The following UNC45B variants were observed in gnomAD, a reference collection of about 807,000 sequenced individuals.
The protein encoded by UNC45B is protein unc-45 homolog B.
In UNC45B, 78 loss-of-function variants were observed where a neutral mutation model predicts 98.7. The observed-to-expected ratio is 0.79, with a 90% CI of 0.66 to 0.95. The LOEUF (loss-of-function observed/expected upper bound fraction) is 0.95. UNC45B is among the 40% of genes least tolerant of loss of function. The probability of loss-of-function intolerance (pLI) is 0.00; values close to 1 mark genes in which losing one functional copy is unlikely to be tolerated. For missense variants in UNC45B, 1,225 were observed against 1,184.9 expected, an observed-to-expected ratio of 1.03 and a Z score of -0.50; for synonymous variants, 462 against 480.4, an observed-to-expected ratio of 0.96 and a Z score of 0.50.
intron 13 of UNC45B, among the ~76,000 whole-genome samples, chr17:35,173,746 T>C (rs1404800010): frequency 1.3e-5 from 2 of 151,674 alleles, no homozygotes; most frequent in Non-Finnish European, 2.9e-5. Flanking sequence ...CTTAACTTAA[T>C]CGTGTCTGCA....
At chr17:35,173,903 C>G (rs952450025) in intron 13 of UNC45B, among the ~76,000 whole-genome samples, 4 of 151,464 alleles carry the variant, frequency 2.6e-5, no homozygotes, top group African/African-American at 9.7e-5. Context: ...AGCTCTGCCC[C>G]CGGGTTCATG....
Position 35,149,931 on chromosome 17 carries a change from A to C in UNC45B, c.206-117A>C, listed in dbSNP as rs1051125314. 23 of 1,104,332 alleles carry C rather than the reference A, an allele frequency of 2.1e-5. No homozygotes were observed. The African/African-American group carries it at 3.2e-4, about 15-fold the overall frequency. 68.4% of individuals were successfully genotyped at this position (1,104,332 alleles called of 1,614,324 possible). On this transcript the variant is annotated intron_variant, in intron 3 of 19. Transcript: ENST00000394570. Reference sequence around the variant, plus strand: ...GCCAGAGAGTCCACATGGATGGATAATCTCCAAGGAAGACACAGAAACGAA... The same window carrying C: ...GCCAGAGAGTCCACATGGATGGATACTCTCCAAGGAAGACACAGAAACGAA...
At chr17:35,164,624 C>T (rs1212695525) in intron 9 of UNC45B, 1 of 152,698 alleles carries the variant, frequency 6.5e-6, no homozygotes, top group Non-Finnish European at 1.5e-5. Flanking sequence ...ACATTCTATT[C>T]GTTAGAAGCA....
At position 35,186,348 on chromosome 17, in the gene UNC45B, T is replaced by C. The variant is rs1284610242; in HGVS notation, c.2579T>C (p.Leu860Pro). ...CAGCGGCTTTGCCTGCACGACCAGC[T>C]GTCTGTCCAACACCGGGGCCTGGTC... Reference protein sequence around the residue: ...ILQRLCLHDQLSVQHRGLVIA... With the variant: ...ILQRLCLHDQPSVQHRGLVIA... The change falls in exon 20 of 20, where the codon CTG (leucine) becomes CCG (proline). Residue 860 changes from leucine to proline, a missense_variant. Transcript: ENST00000394570. 5.0e-6 allele frequency: 8 copies of C among 1,614,068 alleles called. No individual in the cohort carries two copies. The highest frequency in any genetic ancestry group is 1.1e-5 in the South Asian group (1 of 91,078).
chr17:35,164,239 A>C, intron 9 of UNC45B, 73 bp downstream of exon 9: 1 of 1,483,270 alleles, frequency 6.7e-7, no homozygotes. Flanking sequence ...AATTATCTCA[A>C]AATTTAGCAG....
intron 12 of UNC45B, among the ~76,000 whole-genome samples, chr17:35,170,507 G>A (rs1253065186): frequency 2.7e-5 from 4 of 147,528 alleles, no homozygotes; most frequent in African/African-American, 1.0e-4. Flanking sequence ...AGGAGGTGAG[G>A]TCTTGAAGGA....
intron 17 of UNC45B, among the ~76,000 whole-genome samples, chr17:35,179,451 C>G (rs1027068567): frequency 6.6e-6 from 1 of 152,150 alleles, no homozygotes; most frequent in Admixed American, 6.5e-5. Context: ...CACATGCACA[C>G]GTATGTTTAT....
At chr17:35,151,007 C>T (rs1200678064) in intron 4 of UNC45B, among the ~76,000 whole-genome samples, 1 of 152,072 alleles carries the variant, frequency 6.6e-6, no homozygotes, top group Non-Finnish European at 1.5e-5. Flanking sequence ...CCTCTTTCTC[C>T]TGGGTTTAAG....
At chr17:35,152,621 G>A (rs1191919347) in intron 4 of UNC45B, among the ~76,000 whole-genome samples, 5 of 152,160 alleles carry the variant, frequency 3.3e-5, no homozygotes, top group South Asian at 2.1e-4. Context: ...GATCCTTTAC[G>A]CCTTCCCAGA....
intron 3 of UNC45B, 96 bp from the exon 4 acceptor site, chr17:35,149,952 A>G (rs2142525871): frequency 7.6e-7 from 1 of 1,320,012 alleles, no homozygotes; most frequent in South Asian, 1.6e-5. Flanking sequence ...AGACACAGAA[A>G]CGAAGCAAGA....
Position 35,159,437 on chromosome 17 carries a change from G to T in UNC45B, c.871G>T (p.Val291Leu). 7 of 1,614,162 alleles carry T rather than the reference G, an allele frequency of 4.3e-6. No individual in the cohort carries two copies. Among genetic ancestry groups the T allele is most frequent in the Non-Finnish European group, 5.9e-6 (7 of 1,180,028 alleles). ...GCTGGACATGCTAGTCAGCAAGAAG[G>T]TGTCTGGCCAGGGCAGGGATCAGGC... The part of the protein sequence containing the change: ...HLLDMLVSKK[V>L]SGQGRDQALN... Residue 291 changes from valine to leucine, a missense_variant, in exon 8 of 20, where the codon GTG (valine) becomes TTG (leucine). Physicochemically the swap from Val to Leu is conservative, Grantham distance 32 (BLOSUM62 1). Coordinates refer to ENST00000394570, the MANE Select transcript of UNC45B (RefSeq NM_001267052.2).
Position 35,177,005 on chromosome 17 carries a change from C to T in UNC45B, c.2026-12C>T. ...GTCTGTGACTAAGTAGTGACCTTGC[C>T]CTTTCTTGCAGGCCCTGATTCCCCT... On this transcript the variant is annotated splice_polypyrimidine_tract_variant and intron_variant, in intron 15 of 19. Transcript: ENST00000394570. The T allele has an allele frequency of 3.1e-6, 5 of 1,610,112 alleles. No homozygotes were observed. The highest frequency in any genetic ancestry group is 4.2e-6 in the Non-Finnish European group (5 of 1,176,700).
At chr17:35,154,834 T>C (rs1567755232) in intron 6 of UNC45B, 93 bp downstream of exon 6, 7 of 1,353,592 alleles carry the variant, frequency 5.2e-6, no homozygotes, top group Non-Finnish European at 5.8e-6. Flanking sequence ...CTGGCATCAA[T>C]GGAACCAGAT....
Position 35,148,954 on chromosome 17 carries a change from C to T in UNC45B, c.169-19C>T, listed in dbSNP as rs765246242. 9 of 1,614,118 alleles carry T rather than the reference C, an allele frequency of 5.6e-6. No individual in the cohort carries two copies. In the East Asian group the frequency reaches 1.3e-4, roughly 24 times the overall value. The stretch of plus-strand genomic sequence containing the variant: ...GGGCCCACATTAACCGAGTCTCCTT[C>T]TCCTTCCCCTTTCCTCAGGAGAGCT... On this transcript the variant is annotated intron_variant, in intron 2 of 19. Coordinates refer to ENST00000394570, the MANE Select transcript of UNC45B (RefSeq NM_001267052.2).
At chr17:35,166,668 C>T (rs1211767072) in intron 9 of UNC45B, among the ~76,000 whole-genome samples, 4 of 152,134 alleles carry the variant, frequency 2.6e-5, no homozygotes, top group African/African-American at 7.2e-5. Flanking sequence ...CAACTAATTA[C>T]GAAGGATGCT....
Position 35,148,369 on chromosome 17 carries a change from A to G in UNC45B, c.106A>G (p.Thr36Ala), listed in dbSNP as rs2091990298. 1.1e-5 allele frequency: 18 copies of G among 1,614,126 alleles called. No homozygotes were observed. Among genetic ancestry groups the G allele is most frequent in the Non-Finnish European group, 1.5e-5 (18 of 1,180,016 alleles). ...TNSYSQALKLTKDKALLATLY... is the reference protein window; with the variant it reads ...TNSYSQALKLAKDKALLATLY... ...TAGCTACAGCCAGGCCCTGAAGCTG[A>G]CCAAGGACAAGGCCCTGCTGGCCAC... The change falls in exon 2 of 20, where the codon ACC becomes GCC. Residue 36 changes from threonine to alanine, a missense_variant. By Grantham distance (58) the Thr-to-Ala change is moderately conservative (BLOSUM62 0). Coordinates refer to ENST00000394570, the MANE Select transcript of UNC45B (RefSeq NM_001267052.2).
intron 7 of UNC45B, among the ~76,000 whole-genome samples, chr17:35,156,943 A>G (rs1462471852): frequency 6.6e-6 from 1 of 152,186 alleles, no homozygotes; most frequent in East Asian, 1.9e-4. Flanking sequence ...TTTAATAATT[A>G]ATTTTACATT....
intron 10 of UNC45B, among the ~76,000 whole-genome samples, 187 bp downstream of exon 10, chr17:35,168,548 A>G (rs1214161780): frequency 6.6e-6 from 1 of 152,072 alleles, no homozygotes; most frequent in Non-Finnish European, 1.5e-5. Flanking sequence ...TAGATTCAGA[A>G]CCGTGAACTC....
At chr17:35,164,190 G>T in intron 9 of UNC45B, 24 bp downstream of exon 9, 1 of 1,596,850 alleles carries the variant, frequency 6.3e-7, no homozygotes, top group Non-Finnish European at 8.5e-7. Flanking sequence ...AGGCCTCACA[G>T]GGTCAGGCTC....
Sources: gnomAD v4.1 joint callset for allele counts (sites outside exome capture counted in the v4.1 genomes callset) on GRCh38, gnomAD v4.1.1 for gene constraint, MANE v1.5 for transcripts, NCBI Gene and HGNC (gene_info 2026-07-23, HGNC 2026-07-21) for gene names.